Variants in EDIL3 observed in about 807,000 individuals in gnomAD.
EDIL3 encodes the protein EGF-like repeat and discoidin I-like domain-containing protein 3.
In EDIL3, 37 loss-of-function variants were observed where a neutral mutation model predicts 67.4. The observed-to-expected ratio is 0.55, with a 90% CI of 0.42 to 0.72. The LOEUF is 0.72. Ranked by LOEUF, EDIL3 falls within the 30% of genes least tolerant of loss-of-function variation. The pLI, the probability that EDIL3 is intolerant of heterozygous loss-of-function variation, is 0.00. For synonymous variants in EDIL3, 195 were observed against 196.3 expected, an observed-to-expected ratio of 0.99 and a Z score of 0.05; for missense variants, 527 against 586.3, an observed-to-expected ratio of 0.90 and a Z score of 1.04.
chr5:84,045,032 T>G (rs1746196394), intron 9 of EDIL3, among the ~76,000 whole-genome samples: 1 of 152,076 alleles, frequency 6.6e-6, no homozygotes, highest in South Asian at 2.1e-4. Flanking sequence ...TAAGGAGACC[T>G]CACAATCACA....
intron 5 of EDIL3, among the ~76,000 whole-genome samples, chr5:84,123,745 C>T (rs1448153897): frequency 6.6e-6 from 1 of 151,762 alleles, no homozygotes; most frequent in Non-Finnish European, 1.5e-5. Flanking sequence ...ATAAAAGCAG[C>T]CTTGTAGACA....
chr5:84,253,307 C>T (rs112853966), intron 2 of EDIL3, among the ~76,000 whole-genome samples: 159 of 152,244 alleles, frequency 1.0e-3, no homozygotes, highest in African/African-American at 3.7e-3. Context: ...TTGTACTCTT[C>T]GTGGTACTAA....
At chr5:84,137,823 G>A (rs1182345183) in intron 4 of EDIL3, among the ~76,000 whole-genome samples, 1 of 152,132 alleles carries the variant, frequency 6.6e-6, no homozygotes, top group African/African-American at 2.4e-5. Flanking sequence ...GTTCGTCTTT[G>A]ATGAATACGA....
intron 9 of EDIL3, among the ~76,000 whole-genome samples, chr5:84,026,645 G>C (rs1439611428): frequency 6.6e-6 from 1 of 152,056 alleles, no homozygotes; most frequent in Non-Finnish European, 1.5e-5. Flanking sequence ...TCTGGATTTA[G>C]TCAAAGCCAA....
chr5:84,267,920 T>G (rs928163949), intron 1 of EDIL3, among the ~76,000 whole-genome samples: 1 of 152,160 alleles, frequency 6.6e-6, no homozygotes, highest in Non-Finnish European at 1.5e-5. Context: ...GCAGACTACC[T>G]GAGCTCAGGA....
At chr5:84,342,153 G>C (rs549311750) in intron 1 of EDIL3, among the ~76,000 whole-genome samples, 108 of 152,150 alleles carry the variant, frequency 7.1e-4, no homozygotes, top group Admixed American at 1.3e-3. Context: ...AGTGTATATA[G>C]ACAACAGAAT....
chr5:84,093,757 T>A (rs1747209971), intron 6 of EDIL3, among the ~76,000 whole-genome samples: 1 of 151,008 alleles, frequency 6.6e-6, no homozygotes, highest in African/African-American at 2.4e-5. Context: ...TACCCCAGAT[T>A]CAAGTGATTC....
At chr5:84,276,156 T>A (rs1220231837) in intron 1 of EDIL3, among the ~76,000 whole-genome samples, 2 of 152,168 alleles carry the variant, frequency 1.3e-5, no homozygotes, top group East Asian at 1.9e-4. Context: ...TCTCATCCTA[T>A]CTTATCTCAT....
chr5:84,153,353 G>A (rs780811248), intron 4 of EDIL3, among the ~76,000 whole-genome samples: 8 of 152,104 alleles, frequency 5.3e-5, no homozygotes, highest in Non-Finnish European at 1.2e-4. Context: ...CTGGAGTGCA[G>A]TGGCACGACC....
chr5:84,200,932 A>T (rs112749164), intron 3 of EDIL3, among the ~76,000 whole-genome samples: 1,577 of 152,194 alleles, frequency 0.01, 33 homozygotes, highest in African/African-American at 0.036. Context: ...TTATCAAGTA[A>T]TTCCATACAG....
intron 9 of EDIL3, among the ~76,000 whole-genome samples, chr5:83,976,851 A>C (rs969287007): frequency 6.6e-6 from 1 of 151,780 alleles, no homozygotes; most frequent in Non-Finnish European, 1.5e-5. Context: ...TTCATACAGG[A>C]ATCTTCTGGA....
chr5:83,985,415 G>A (rs1345839155), intron 9 of EDIL3, among the ~76,000 whole-genome samples: 1 of 151,964 alleles, frequency 6.6e-6, no homozygotes, highest in Non-Finnish European at 1.5e-5. Flanking sequence ...TTATAAATAT[G>A]AAGTGTTTAC....
chr5:84,104,987 T>C (rs2112281644), intron 6 of EDIL3, among the ~76,000 whole-genome samples: 1 of 152,184 alleles, frequency 6.6e-6, no homozygotes, highest in South Asian at 2.1e-4. Context: ...TGTAAACTGG[T>C]GATATCATCT....
chr5:83,943,332 T>C lies in EDIL3; in HGVS notation c.*87A>G. The C allele has an allele frequency of 6.8e-7, 1 of 1,465,808 alleles. No individual in the cohort carries two copies. The highest frequency in any genetic ancestry group is 9.3e-7 in the Non-Finnish European group (1 of 1,077,410). The allele number at this position is 1,465,808 out of a possible 1,614,324, so 90.8% of individuals were successfully genotyped here. On this transcript the variant is annotated 3_prime_UTR_variant, in exon 11 of 11. Transcript: ENST00000296591. ...TTTCATGAAAAAAAAAAAAAAACCA[T>C]TCAGTTTCCTACAGATTTTGCACAG...
Position 84,238,590 on chromosome 5 carries a change from T to C in EDIL3, c.197-8706A>G, listed in dbSNP as rs537277822. On this transcript the variant is annotated intron_variant, in intron 2 of 10. Coordinates refer to ENST00000296591, the MANE Select transcript of EDIL3 (RefSeq NM_005711.5). ...AGAGCTAATCTAATGTGCTACTGCC[T>C]TTATGTAACAGTGAGTTAATGACTG... 2.8e-4 allele frequency among the ~76,000 whole-genome samples: 42 copies of C among 151,588 alleles called. 1 individual carries two copies. The South Asian group carries it at 7.1e-3, about 26-fold the overall frequency.
chr5:84,108,963 T>A (rs996976994), intron 5 of EDIL3, among the ~76,000 whole-genome samples: 1 of 152,176 alleles, frequency 6.6e-6, no homozygotes, highest in Non-Finnish European at 1.5e-5. Flanking sequence ...TTCACAGAAT[T>A]TGTAACTATT....
At chr5:84,025,430 A>C (rs1195899804) in intron 9 of EDIL3, among the ~76,000 whole-genome samples, 1 of 152,200 alleles carries the variant, frequency 6.6e-6, no homozygotes, top group Non-Finnish European at 1.5e-5. Context: ...AAAACTGTCT[A>C]GTGGCAGGAA....
intron 1 of EDIL3, among the ~76,000 whole-genome samples, chr5:84,348,993 A>G (rs1213781399): frequency 1.3e-5 from 2 of 152,316 alleles, no homozygotes. Flanking sequence ...ACCTAACAGC[A>G]CTAGTCCATA....
At chr5:84,311,347 G>A (rs1251472238) in intron 1 of EDIL3, among the ~76,000 whole-genome samples, 3 of 114,896 alleles carry the variant, frequency 2.6e-5, no homozygotes, top group African/African-American at 9.1e-5. Context: ...TTTACATGCA[G>A]TATGATTTAT....
Sources: gnomAD v4.1 joint callset for allele counts (sites outside exome capture counted in the v4.1 genomes callset) on GRCh38, gnomAD v4.1.1 for gene constraint, MANE v1.5 for transcripts, NCBI Gene and HGNC (gene_info 2026-07-23, HGNC 2026-07-21) for gene names.